The following LYRM4 variants were observed in gnomAD, a reference collection of about 807,000 sequenced individuals.
LYRM4 encodes LYR motif-containing protein 4.
LYRM4 carries 9 observed loss-of-function variants against 11.7 expected under a neutral mutation model. The observed-to-expected ratio is 0.77, with a 90% CI of 0.46 to 1.34. The LOEUF (loss-of-function observed/expected upper bound fraction) is 1.34, where lower values mean the gene tolerates loss of function less well. Among genes scored for constraint, LYRM4 ranks in the 40% most tolerant of loss-of-function variants. The pLI, the probability that LYRM4 is intolerant of heterozygous loss-of-function variation, is 0.00. For synonymous variants in LYRM4, 42 were observed against 40.4 expected (o/e 1.04, Z -0.15); for missense variants, 133 against 112.5 (o/e 1.18, Z -0.82).
intron 2 of LYRM4, among the ~76,000 whole-genome samples, chr6:5,188,470 G>A (rs991685165): frequency 2.0e-5 from 3 of 152,128 alleles, no homozygotes; most frequent in Admixed American, 6.5e-5. Context: ...ATCAAGGGAG[G>A]ATAAAAGAAG....
downstream of LYRM4, among the ~76,000 whole-genome samples, chr6:5,099,771 T>C (rs76138506): frequency 0.036 from 5,519 of 152,176 alleles, 161 homozygotes; most frequent in Non-Finnish European, 0.057. The surrounding 1 kb of genome is among the most constrained non-coding windows in gnomAD (Gnocchi z 4.3). Context: ...GCTGAAGAAA[T>C]TGACTGTCAG....
chr6:5,140,788 T>C (rs1311784257), intron 2 of LYRM4, among the ~76,000 whole-genome samples: 1 of 152,254 alleles, frequency 6.6e-6, no homozygotes, highest in Non-Finnish European at 1.5e-5. Context: ...ATTTTGCCAC[T>C]ATGAAAAATA....
downstream of LYRM4, chr6:5,105,334 G>T (rs1227006069): frequency 6.6e-6 from 1 of 152,202 alleles, no homozygotes; most frequent in Non-Finnish European, 1.5e-5. Flanking sequence ...TCCTTCAATG[G>T]CGGCCCACCC....
the LYRM4 span, among the ~76,000 whole-genome samples, chr6:5,062,074 CCTT>C: frequency 8.3e-4 from 121 of 146,156 alleles, no homozygotes; most frequent in African/African-American, 2.9e-3. Context: ...TCTTCCCCTT[CCTT>C]CTTCTTTTTT....
chr6:5,182,228 G>C (rs1441335059), intron 2 of LYRM4, among the ~76,000 whole-genome samples: 1 of 152,132 alleles, frequency 6.6e-6, no homozygotes, highest in African/African-American at 2.4e-5. Flanking sequence ...GAACCCCTAT[G>C]ATGTTATGCA....
chr6:5,231,558 G>A lies in LYRM4; in HGVS notation c.87-14820C>T, dbSNP rs143340769. ...AGATGAGTCTGTGAATCACCTCCCT[G>A]TGTCTACTAAAAAAATCTGGTAACC... On this transcript the variant is annotated intron_variant, in intron 1 of 2. Transcript: ENST00000330636. Among the ~76,000 whole-genome samples the A allele has an allele frequency of 6.6e-5, 10 of 152,322 alleles. No homozygotes were observed. In the East Asian group the frequency reaches 1.7e-3, roughly 26 times the overall value.
intron 2 of LYRM4, among the ~76,000 whole-genome samples, chr6:5,147,382 G>A (rs1042595901): frequency 6.6e-6 from 1 of 152,162 alleles, no homozygotes; most frequent in African/African-American, 2.4e-5. Context: ...GTTAAATAAT[G>A]GATAACGTAC....
chr6:5,206,807 T>C (rs935540645), intron 2 of LYRM4, among the ~76,000 whole-genome samples: 1 of 152,124 alleles, frequency 6.6e-6, no homozygotes, highest in Non-Finnish European at 1.5e-5. Context: ...TTAATCAAAC[T>C]AAGGGCATTC....
intron 2 of LYRM4, among the ~76,000 whole-genome samples, chr6:5,130,292 G>A (rs1340020741): frequency 1.3e-5 from 2 of 150,708 alleles, no homozygotes; most frequent in Non-Finnish European, 3.0e-5. Flanking sequence ...TGGAGGAGAC[G>A]TGTGAGCCCT....
intron 1 of LYRM4, among the ~76,000 whole-genome samples, chr6:5,247,308 C>T (rs1229934389): frequency 2.0e-5 from 3 of 152,172 alleles, no homozygotes; most frequent in African/African-American, 7.2e-5. Flanking sequence ...ACTAGACTAC[C>T]GGATGCAGTG....
intron 1 of LYRM4, among the ~76,000 whole-genome samples, chr6:5,258,326 TTGC>T (rs1764780140): frequency 6.6e-6 from 1 of 152,272 alleles, no homozygotes; most frequent in South Asian, 2.1e-4. Context: ...CTGCTTTTGA[TTGC>T]TTATTCAGCA....
chr6:5,109,613 C>T (rs897277770), intron 2 of LYRM4, 122 bp from the exon 3 acceptor site: 18 of 957,590 alleles, frequency 1.9e-5, no homozygotes, highest in South Asian at 5.9e-5. Flanking sequence ...TGCTCCCTTC[C>T]GGCAACTGCA....
At chr6:5,051,758 G>A in the LYRM4 span, among the ~76,000 whole-genome samples, 5 of 152,070 alleles carry the variant, frequency 3.3e-5, no homozygotes, top group Non-Finnish European at 7.4e-5. Flanking sequence ...TTTGGCTTAG[G>A]ATTCTCATGT....
At chr6:5,144,927 C>T (rs1369447070) in intron 2 of LYRM4, among the ~76,000 whole-genome samples, 4 of 152,188 alleles carry the variant, frequency 2.6e-5, no homozygotes, top group Admixed American at 6.5e-5. Context: ...GGGAAGCAGG[C>T]GCAGGCCACA....
chr6:5,170,086 G>A (rs556459607), intron 2 of LYRM4, among the ~76,000 whole-genome samples: 16 of 152,350 alleles, frequency 1.1e-4, no homozygotes, highest in Non-Finnish European at 1.8e-4. Context: ...CTTGGCTACA[G>A]TGTACAGTGT....
intron 2 of LYRM4, chr6:5,138,858 G>T (rs559175282): frequency 8.7e-6 from 6 of 687,040 alleles, no homozygotes; most frequent in Non-Finnish European, 1.2e-5. Flanking sequence ...TTAAAAGCTA[G>T]AAATGAGATT....
chr6:5,151,695 T>C (rs1018507734), intron 2 of LYRM4, among the ~76,000 whole-genome samples: 3 of 152,230 alleles, frequency 2.0e-5, no homozygotes, highest in African/African-American at 7.2e-5. Flanking sequence ...CTCAATTTAC[T>C]AGCTGCATGA....
intron 1 of LYRM4, among the ~76,000 whole-genome samples, chr6:5,217,295 T>C (rs1356125710): frequency 6.6e-6 from 1 of 152,246 alleles, no homozygotes; most frequent in African/African-American, 2.4e-5. Flanking sequence ...CCCACCACAG[T>C]TGAACCTGTG....
intron 1 of LYRM4, among the ~76,000 whole-genome samples, chr6:5,224,400 A>G (rs1407661690): frequency 1.3e-5 from 2 of 152,206 alleles, no homozygotes; most frequent in African/African-American, 4.8e-5. Context: ...TGAAAAGACA[A>G]AGGGACAGGT....
Sources: gnomAD v4.1 joint callset for allele counts (sites outside exome capture counted in the v4.1 genomes callset) on GRCh38, gnomAD v4.1.1 for gene constraint, Gnocchi (gnomAD v3.1) non-coding constraint, MANE v1.5 for transcripts, NCBI Gene and HGNC (gene_info 2026-07-23, HGNC 2026-07-21) for gene names.